The following RAPGEF3 variants were observed in gnomAD, a reference collection of about 807,000 sequenced individuals.
RAPGEF3 encodes the protein 9330170P05Rik.
A neutral mutation model predicts 129.8 loss-of-function variants in RAPGEF3; 103 were observed. That is an observed-to-expected ratio of 0.79 (90% CI 0.68 to 0.93). RAPGEF3 has a LOEUF of 0.93. Ranked by LOEUF, RAPGEF3 falls within the 40% of genes least tolerant of loss-of-function variation. The pLI, the probability that RAPGEF3 is intolerant of heterozygous loss-of-function variation, is 0.00. For missense variants in RAPGEF3, 1,117 were observed against 1,207.4 expected (o/e 0.93, Z 1.11); for synonymous variants, 436 against 482.6 (o/e 0.90, Z 1.26).
intron 24 of RAPGEF3, 35 bp downstream of exon 24, chr12:47,739,108 G>T: frequency 6.7e-7 from 1 of 1,501,354 alleles, no homozygotes; most frequent in Non-Finnish European, 9.2e-7. Context: ...GCAGGAAGGG[G>T]GGAATGGAGG....
chr12:47,748,315 G>T, intron 12 of RAPGEF3, 139 bp downstream of exon 12: 1 of 967,038 alleles, frequency 1.0e-6, no homozygotes, highest in Non-Finnish European at 1.6e-6. Flanking sequence ...CAAGAGCACA[G>T]GTAAGAGGAC....
intron 16 of RAPGEF3, chr12:47,746,369 TC>T (rs1260760373): frequency 9.0e-6 from 4 of 442,446 alleles, no homozygotes; most frequent in Non-Finnish European, 1.6e-5. Context: ...CAGTTCTTTC[TC>T]CCACCATTCC....
chr12:47,743,659 G>A lies in RAPGEF3; in HGVS notation c.1696C>T (p.Arg566Trp), dbSNP rs200527655. ...VGDKVPYDIC[R>W]PDHSVLTLQL... ...AGGGTCAACACTGAGTGGTCTGGCC[G>A]GCAGATGTCATAGGGGACTGAAGAG... Residue 566 changes from arginine to tryptophan, a missense_variant, in exon 18 of 28, where the codon CGG (arginine) becomes TGG (tryptophan). Transcript: ENST00000449771. 9.0e-5 allele frequency: 145 copies of A among 1,609,512 alleles called. No homozygotes were observed. Among genetic ancestry groups the A allele is most frequent in the Middle Eastern group, 3.3e-4 (2 of 6,074 alleles).
Position 47,749,653 on chromosome 12 carries a change from T to C in RAPGEF3, c.894+88A>G. The C allele has an allele frequency of 6.3e-7, 1 of 1,589,112 alleles. No individual in the cohort carries two copies. Among genetic ancestry groups the C allele is most frequent in the South Asian group, 1.1e-5 (1 of 89,344 alleles). Reference sequence around the variant, plus strand: ...ACAGGAGACACGGGGTCAGCAGCAGTAGATCAACAAAGGCACTGCCCATGA... The same window carrying C: ...ACAGGAGACACGGGGTCAGCAGCAGCAGATCAACAAAGGCACTGCCCATGA... On this transcript the variant is annotated intron_variant, in intron 9 of 27. Coordinates refer to ENST00000449771, the MANE Select transcript of RAPGEF3 (RefSeq NM_001098531.4). This position sits in a 1 kb window ranked among gnomAD's most constrained non-coding sequence, Gnocchi z 4.5.
At chr12:47,737,823 C>T (rs766976014) in intron 27 of RAPGEF3, 138 bp from the exon 28 acceptor site, 47 of 1,117,756 alleles carry the variant, frequency 4.2e-5, no homozygotes, top group Admixed American at 8.2e-5. Flanking sequence ...TTCCTAAAGA[C>T]GGCTGTCCCT....
At position 47,734,457 on chromosome 12, in the gene RAPGEF3, G is replaced by A. The variant is rs1361292234; in HGVS notation, c.*3110C>T. ...GAGAGCTGTCATGGGGAGTGCCGGGGGCATGGGGAAAGGGCATGGCTGATA... is the reference window on the plus strand; with the variant it reads ...GAGAGCTGTCATGGGGAGTGCCGGGAGCATGGGGAAAGGGCATGGCTGATA... On this transcript the variant is annotated 3_prime_UTR_variant, in exon 28 of 28. Coordinates refer to ENST00000449771, the MANE Select transcript of RAPGEF3 (RefSeq NM_001098531.4). The A allele has an allele frequency of 1.3e-5, 2 of 152,244 alleles. No individual in the cohort carries two copies. Among genetic ancestry groups the A allele is most frequent in the Non-Finnish European group, 2.9e-5 (2 of 68,054 alleles). 9.4% of individuals were successfully genotyped at this position (152,244 alleles called of 1,614,324 possible).
Position 47,749,660 on chromosome 12 carries a change from A to G in RAPGEF3, c.894+81T>C. The G allele has an allele frequency of 3.1e-6, 5 of 1,595,038 alleles. No homozygotes were observed. The highest frequency in any genetic ancestry group is 4.3e-6 in the Non-Finnish European group (5 of 1,168,464). Reference sequence around the variant, plus strand: ...ACACGGGGTCAGCAGCAGTAGATCAACAAAGGCACTGCCCATGAGGACATG... The same window carrying G: ...ACACGGGGTCAGCAGCAGTAGATCAGCAAAGGCACTGCCCATGAGGACATG... On this transcript the variant is annotated intron_variant, in intron 9 of 27. Transcript: ENST00000449771. The surrounding 1 kb of genome is among the most constrained non-coding windows in gnomAD (Gnocchi z 4.5).
At position 47,749,663 on chromosome 12, in the gene RAPGEF3, A is replaced by G. The variant is rs1941631152; in HGVS notation, c.894+78T>C. ...CGGGGTCAGCAGCAGTAGATCAACA[A>G]AGGCACTGCCCATGAGGACATGGAC... is the stretch of plus-strand genomic sequence containing the variant. On this transcript the variant is annotated intron_variant, in intron 9 of 27. Coordinates refer to ENST00000449771, the MANE Select transcript of RAPGEF3 (RefSeq NM_001098531.4). The surrounding 1 kb of genome is among the most constrained non-coding windows in gnomAD (Gnocchi z 4.5). 5.6e-6 allele frequency: 9 copies of G among 1,594,484 alleles called. No homozygotes were observed. In the East Asian group the frequency reaches 1.8e-4, roughly 32 times the overall value.
chr12:47,749,063 G>C lies in RAPGEF3; in HGVS notation c.1042-132C>G. 1 of 766,632 alleles carries C rather than the reference G, an allele frequency of 1.3e-6. No individual in the cohort carries two copies. The allele number at this position is 766,632 out of a possible 1,614,324, so 47.5% of individuals were successfully genotyped here. On this transcript the variant is annotated intron_variant, in intron 10 of 27. Coordinates refer to ENST00000449771, the MANE Select transcript of RAPGEF3 (RefSeq NM_001098531.4). The surrounding 1 kb of genome is among the most constrained non-coding windows in gnomAD (Gnocchi z 4.5). ...GACCCACAGCCCTTCTCCCACCTCC[G>C]ACTTTGGCTCCACCTCCTCAGCCTT...
chr12:47,752,372 A>G (rs1398660887), intron 2 of RAPGEF3, among the ~76,000 whole-genome samples: 3 of 152,202 alleles, frequency 2.0e-5, no homozygotes, highest in Non-Finnish European at 4.4e-5. Context: ...GCAGCTCAGG[A>G]GGCCTGGGAA....
chr12:47,740,339 T>G lies in RAPGEF3; in HGVS notation c.2288A>C (p.Asn763Thr), dbSNP rs1209193279. ...SFFAVMFGLS[N>T]SAISRLAHTW... The stretch of plus-strand genomic sequence containing the variant: ...GTGGGCTAGGCGGCTGATGGCCGAG[T>G]TGCTGAGGCCAAACATGACGGCAAA... Residue 763 changes from asparagine (N) to threonine (T), a missense_variant, in exon 22 of 28, where the codon AAC becomes ACC. Physicochemically the swap from Asn to Thr is moderately conservative, Grantham distance 65. Transcript: ENST00000449771. 2 of 1,613,990 alleles carry G rather than the reference T, an allele frequency of 1.2e-6. No homozygotes were observed. Among genetic ancestry groups the G allele is most frequent in the South Asian group, 2.2e-5 (2 of 91,084 alleles).
At chr12:47,754,036 C>A (rs139304099) in intron 2 of RAPGEF3, 1 of 152,226 alleles carries the variant, frequency 6.6e-6, no homozygotes, top group Non-Finnish European at 1.5e-5. Context: ...AGGTAAGATT[C>A]TACTGAATAA....
intron 25 of RAPGEF3, 93 bp from the exon 26 acceptor site, chr12:47,738,340 A>G (rs1247438759): frequency 4.0e-6 from 6 of 1,508,388 alleles, no homozygotes; most frequent in East Asian, 2.4e-5. Context: ...CCTCTGAACC[A>G]AGGATCAGGG....
Position 47,739,057 on chromosome 12 carries a change from GATGGGGGATGGAGGCAGGAAGGGGGAA to G in RAPGEF3, c.2461+59_2461+85del, listed in dbSNP as rs1263087300. On this transcript the variant is annotated intron_variant, in intron 24 of 27. Transcript: ENST00000449771. ...TGGGTGCACACACAGATAGGCATGG[GATGGGGGATGGAGGCAGGAAGGGGGAA>G]ATGGGGGATGGAGGCAGGAAGGGGG... 11 of 1,212,844 alleles carry G rather than the reference GATGGGGGATGGAGGCAGGAAGGGGGAA, an allele frequency of 9.1e-6. No homozygotes were observed. In the African/African-American group the frequency reaches 9.1e-5, roughly 10 times the overall value. The allele number at this position is 1,212,844 out of a possible 1,614,324, so 75.1% of individuals were successfully genotyped here.
At chr12:47,746,993 A>ATTCTCCCCGGC in intron 15 of RAPGEF3, 94 bp from the exon 16 acceptor site, 1 of 1,277,404 alleles carries the variant, frequency 7.8e-7, no homozygotes, top group Non-Finnish European at 1.1e-6. Flanking sequence ...CCCGGCCCTC[A>ATTCTCCCCGGC]CCAGTGGTTC....
In RAPGEF3 at chr12:47,741,561, A is replaced by T; in HGVS notation, c.1867T>A (p.Ser623Thr). 6.2e-7 allele frequency: 1 copy of T among 1,610,258 alleles called. No homozygotes were observed. Among genetic ancestry groups the T allele is most frequent in the Non-Finnish European group, 8.5e-7 (1 of 1,177,802 alleles). ...LQPDARGVATSLGLNERLFVV... is the reference protein window; with the variant it reads ...LQPDARGVATTLGLNERLFVV... Reference sequence around the variant, plus strand: ...AAGAGACGCTCATTGAGCCCCAGAGATGTGGCCACACCACGGGCATCTGGC... The same window carrying T: ...AAGAGACGCTCATTGAGCCCCAGAGTTGTGGCCACACCACGGGCATCTGGC... The change falls in exon 19 of 28, where the codon TCT becomes ACT. Residue 623 changes from serine (S) to threonine (T), a missense_variant. Coordinates refer to ENST00000449771, the MANE Select transcript of RAPGEF3 (RefSeq NM_001098531.4).
chr12:47,751,457 G>A lies in RAPGEF3; in HGVS notation c.444C>T (p.Ser148=). The A allele has an allele frequency of 6.2e-7, 1 of 1,614,178 alleles. No individual in the cohort carries two copies. The highest frequency in any genetic ancestry group is 1.1e-5 in the South Asian group (1 of 91,086). Reference sequence around the variant, plus strand: ...GGCAGATTCCCACAACTTGGCTCCGGGAATGGACCCCAAGTCCCAGGGCCA... The same window carrying A: ...GGCAGATTCCCACAACTTGGCTCCGAGAATGGACCCCAAGTCCCAGGGCCA... ...GILALGLGVH[S]RSQVVGICQV... Residue 148 remains serine, a synonymous_variant, in exon 5 of 28, where the codon TCC becomes TCT. Coordinates refer to ENST00000449771, the MANE Select transcript of RAPGEF3 (RefSeq NM_001098531.4).
rs1940919149 is a variant in RAPGEF3 at position 47,738,256 on chromosome 12, A to G, written c.2527-9T>C. 1 of 1,613,046 alleles carries G rather than the reference A, an allele frequency of 6.2e-7. No homozygotes were observed. The highest frequency in any genetic ancestry group is 2.2e-5 in the East Asian group (1 of 44,870). On this transcript the variant is annotated splice_polypyrimidine_tract_variant and intron_variant, in intron 25 of 27. Coordinates refer to ENST00000449771, the MANE Select transcript of RAPGEF3 (RefSeq NM_001098531.4). Reference sequence around the variant, plus strand: ...GCTCTGGCCATCATTCTCTGCGGACAACACCGGGGCATAAGCTCTTGCCTG... The same window carrying G: ...GCTCTGGCCATCATTCTCTGCGGACGACACCGGGGCATAAGCTCTTGCCTG...
intron 15 of RAPGEF3, 93 bp from the exon 16 acceptor site, chr12:47,746,992 C>CGGGGCTCTGG: frequency 1.6e-6 from 2 of 1,280,218 alleles, no homozygotes; most frequent in Non-Finnish European, 2.2e-6. Context: ...CCCCGGCCCT[C>CGGGGCTCTGG]ACCAGTGGTT....
Sources: gnomAD v4.1 joint callset for allele counts (sites outside exome capture counted in the v4.1 genomes callset) on GRCh38, gnomAD v4.1.1 for gene constraint, Gnocchi (gnomAD v3.1) non-coding constraint, MANE v1.5 for transcripts, NCBI Gene and HGNC (gene_info 2026-07-23, HGNC 2026-07-21) for gene names.